Variants in WDR45B observed in about 807,000 individuals in gnomAD.
The protein encoded by WDR45B is WD repeat domain 45B, also known as WD repeat domain phosphoinositide-interacting protein 3.
Under a neutral mutation model 44.6 loss-of-function variants are expected in WDR45B, and 20 were observed. That is an observed-to-expected ratio of 0.45 (90% CI 0.32 to 0.65). WDR45B has a LOEUF of 0.65. Among genes scored for constraint, WDR45B ranks in the 30% least tolerant of loss-of-function variants. The pLI, the probability that WDR45B is intolerant of heterozygous loss-of-function variation, is 0.05. For synonymous variants in WDR45B, 169 were observed against 164.9 expected (o/e 1.02, Z -0.19); for missense variants, 323 against 430.2 (o/e 0.75, Z 2.20).
At chr17:82,632,911 G>A (rs993470026) in intron 2 of WDR45B, among the ~76,000 whole-genome samples, 2 of 152,120 alleles carry the variant, frequency 1.3e-5, no homozygotes, top group African/African-American at 4.8e-5. Context: ...GCTCACGCCT[G>A]TAATCTCAGC....
At position 82,615,738 on chromosome 17, in the gene WDR45B, TTC is replaced by T. The variant is rs1321413464; in HGVS notation, c.*179_*180del. The T allele has an allele frequency of 9.5e-6, 6 of 631,796 alleles. No individual in the cohort carries two copies. Among genetic ancestry groups the T allele is most frequent in the South Asian group, 1.8e-5 (1 of 56,860 alleles). 39.1% of individuals were successfully genotyped at this position (631,796 alleles called of 1,614,324 possible). A position where few individuals can be genotyped will look rare whatever the true frequency, so the allele number is the denominator to read the frequency against. On this transcript the variant is annotated 3_prime_UTR_variant, in exon 10 of 10. Coordinates refer to ENST00000392325, the MANE Select transcript of WDR45B (RefSeq NM_019613.4). ...GTTACCTACGGTGCCTTGATGATGA[TTC>T]TCTCTTTAATACTGGAAATGGGAGT...
In WDR45B at chr17:82,619,031, A is replaced by C; in HGVS notation, c.704+12T>G. 1 of 1,613,712 alleles carries C rather than the reference A, an allele frequency of 6.2e-7. No homozygotes were observed. The highest frequency in any genetic ancestry group is 8.5e-7 in the Non-Finnish European group (1 of 1,179,618). On this transcript the variant is annotated intron_variant, in intron 7 of 9. Transcript: ENST00000392325. The stretch of plus-strand genomic sequence containing the variant: ...CGAAGTTCTTCTCCGGTGAAGTTGG[A>C]GGTGCCCTTACCAGTAAATATTGGC...
intron 5 of WDR45B, among the ~76,000 whole-genome samples, chr17:82,623,561 A>C (rs1256961890): frequency 6.6e-6 from 1 of 151,426 alleles, no homozygotes; most frequent in African/African-American, 2.4e-5. Flanking sequence ...TTAGCCAGGC[A>C]TGGTGGTGTG....
At chr17:82,620,841 G>GT (rs1168838503) in intron 6 of WDR45B, among the ~76,000 whole-genome samples, 1 of 152,146 alleles carries the variant, frequency 6.6e-6, no homozygotes, top group African/African-American at 2.4e-5. Context: ...AAAGGACAAT[G>GT]TGTCCAATAC....
At chr17:82,624,831 G>A (rs2045673773) in intron 5 of WDR45B, among the ~76,000 whole-genome samples, 1 of 149,378 alleles carries the variant, frequency 6.7e-6, no homozygotes, top group East Asian at 2.0e-4. Context: ...TGTTAGCCAG[G>A]ATGGTCTTAA....
chr17:82,626,533 CA>C (rs562186058), intron 4 of WDR45B, among the ~76,000 whole-genome samples: 138 of 79,434 alleles, frequency 1.7e-3, no homozygotes, highest in African/African-American at 3.2e-3. Flanking sequence ...CTCTATCTCC[CA>C]AAAAAAAAAA....
intron 2 of WDR45B, among the ~76,000 whole-genome samples, chr17:82,640,989 G>A (rs1032343702): frequency 2.1e-4 from 11 of 52,602 alleles, no homozygotes; most frequent in African/African-American, 3.1e-4. Flanking sequence ...TTTTTGAGAC[G>A]GAGTCTTGCT....
rs116678730 is a variant in WDR45B at position 82,635,895 on chromosome 17, G to A, written c.143-4873C>T. Among the ~76,000 whole-genome samples, 1,246 of 151,720 alleles carry A rather than the reference G, an allele frequency of 8.2e-3. 37 individuals carry two copies. The highest frequency in any genetic ancestry group is 0.029 in the African/African-American group (1,207 of 41,182). ...CTCAGGTCGGGAGTTCAAGACCAGC[G>A]CGACCAACATGGAAAACCCCCGTCT... On this transcript the variant is annotated intron_variant, in intron 2 of 9. Transcript: ENST00000392325.
At chr17:82,632,750 G>T (rs569200541) in intron 2 of WDR45B, among the ~76,000 whole-genome samples, 1 of 152,094 alleles carries the variant, frequency 6.6e-6, no homozygotes, top group African/African-American at 2.4e-5. Flanking sequence ...CAAGGCAGCC[G>T]GGCACAGTGG....
At chr17:82,645,513 A>AAAACATC (rs1347953112) in intron 1 of WDR45B, among the ~76,000 whole-genome samples, 1 of 152,126 alleles carries the variant, frequency 6.6e-6, no homozygotes, top group Non-Finnish European at 1.5e-5. Flanking sequence ...AAAATAAGAG[A>AAAACATC]AAACATCAAA....
At chr17:82,623,972 G>C (rs1034537946) in intron 5 of WDR45B, among the ~76,000 whole-genome samples, 9 of 151,960 alleles carry the variant, frequency 5.9e-5, no homozygotes, top group African/African-American at 1.9e-4. Context: ...AGACGCAAGG[G>C]GACACAGCCA....
intron 3 of WDR45B, among the ~76,000 whole-genome samples, chr17:82,628,982 A>G (rs1293887440): frequency 2.6e-5 from 4 of 152,192 alleles, no homozygotes; most frequent in Non-Finnish European, 5.9e-5. Context: ...CCTGGGCAAC[A>G]CAGTGAGACC....
chr17:82,617,211 G>T, intron 8 of WDR45B, 85 bp downstream of exon 8: 1 of 1,244,928 alleles, frequency 8.0e-7, no homozygotes, highest in Non-Finnish European at 1.2e-6. Context: ...CCCTGCTGGG[G>T]TGGGGGGCCT....
At position 82,643,943 on chromosome 17, in the gene WDR45B, TCTTAC is replaced by T. The variant is rs2045947062; in HGVS notation, c.142+1_142+5del. 1 of 1,613,584 alleles carries T rather than the reference TCTTAC, an allele frequency of 6.2e-7. No individual in the cohort carries two copies. The highest frequency in any genetic ancestry group is 1.3e-5 in the African/African-American group (1 of 74,912). On this transcript the variant is annotated splice_donor_variant and splice_donor_5th_base_variant and intron_variant, in intron 2 of 9. Coordinates refer to ENST00000392325, the MANE Select transcript of WDR45B (RefSeq NM_019613.4). LOFTEE classifies it high-confidence loss of function. ...AGAAACCAGAAAATGTCCCGTTAATTCTTACCTTGTTTCTCTTTTTCTTTTAGTGG... is the reference window on the plus strand; with the variant it reads ...AGAAACCAGAAAATGTCCCGTTAATTCTTGTTTCTCTTTTTCTTTTAGTGG...
At chr17:82,646,631 G>A (rs184576051) in intron 1 of WDR45B, among the ~76,000 whole-genome samples, 2 of 152,158 alleles carry the variant, frequency 1.3e-5, no homozygotes, top group Non-Finnish European at 2.9e-5. Context: ...ATCAAGCGTG[G>A]CCAGGTATAT....
chr17:82,616,094 G>A, intron 9 of WDR45B, 69 bp from the exon 10 acceptor site: 1 of 1,403,630 alleles, frequency 7.1e-7, no homozygotes, highest in Non-Finnish European at 9.9e-7. Flanking sequence ...GAGTCCCACT[G>A]AGCTGAACTG....
chr17:82,619,179 T>C lies in WDR45B; in HGVS notation c.619-51A>G, dbSNP rs1456747851. On this transcript the variant is annotated intron_variant, in intron 6 of 9. Coordinates refer to ENST00000392325, the MANE Select transcript of WDR45B (RefSeq NM_019613.4). ...TTATCAAAGATTCAAAACTTTTTCG[T>C]TAGTTTTTGAAATGACTCACATTCA... 7.0e-6 allele frequency: 11 copies of C among 1,576,946 alleles called. No individual in the cohort carries two copies. The South Asian group carries it at 1.2e-4, about 17-fold the overall frequency.
intron 2 of WDR45B, chr17:82,636,435 T>G (rs1230347831): frequency 2.6e-5 from 4 of 151,660 alleles, no homozygotes; most frequent in Non-Finnish European, 5.9e-5. Context: ...TAATCAAAGG[T>G]AAGAGCCAAA....
chr17:82,617,860 G>T (rs989068154), intron 7 of WDR45B, among the ~76,000 whole-genome samples: 1 of 152,112 alleles, frequency 6.6e-6, no homozygotes, highest in Non-Finnish European at 1.5e-5. Flanking sequence ...ACAGGGATGT[G>T]CTATGCACAC....
Sources: allele counts gnomAD v4.1 joint callset (sites outside exome capture counted in the v4.1 genomes callset), GRCh38; gene constraint gnomAD v4.1.1; transcripts MANE v1.5; gene names NCBI Gene and HGNC (gene_info 2026-07-23, HGNC 2026-07-21).